The following RFC3 variants were observed in gnomAD, a reference collection of about 807,000 sequenced individuals.
RFC3 encodes the protein A1 38 kDa subunit.
In RFC3, 41 loss-of-function variants were observed where a neutral mutation model predicts 45.1. The ratio of observed to expected loss-of-function variants is 0.91; its 90% CI spans 0.71 to 1.18. RFC3 has a LOEUF of 1.18. Ranked by LOEUF, RFC3 falls within the 50% of genes most tolerant of loss-of-function variation. The pLI, the probability that RFC3 is intolerant of heterozygous loss-of-function variation, is 0.00. For missense variants in RFC3, 423 were observed against 428.1 expected (o/e 0.99, Z 0.10); for synonymous variants, 149 against 144.0 (o/e 1.03, Z -0.25).
chr13:33,914,671 A>T (rs889248484), intron 8 of RFC3, among the ~76,000 whole-genome samples: 1 of 152,172 alleles, frequency 6.6e-6, no homozygotes, highest in Non-Finnish European at 1.5e-5. Flanking sequence ...AATAAATTGG[A>T]AACAAATTAT....
chr13:33,890,740 A>G (rs1045853426), intron 8 of RFC3, among the ~76,000 whole-genome samples: 1 of 152,148 alleles, frequency 6.6e-6, no homozygotes, highest in Non-Finnish European at 1.5e-5. Flanking sequence ...AGATGGTTTC[A>G]CCATCTTATT....
In RFC3 at chr13:33,836,830, A is replaced by G; in HGVS notation, c.*535A>G. The G allele has an allele frequency of 1.0e-6, 1 of 985,848 alleles. No individual in the cohort carries two copies. The highest frequency in any genetic ancestry group is 5.2e-4 in the Middle Eastern group (1 of 1,914). 61.1% of individuals were successfully genotyped at this position (985,848 alleles called of 1,614,324 possible). ...TTTCTGTTGAGGCTGCAGATTTCCAACTTTTATTTCAGTGGTTCAGATTAG... is the reference window on the plus strand; with the variant it reads ...TTTCTGTTGAGGCTGCAGATTTCCAGCTTTTATTTCAGTGGTTCAGATTAG... On this transcript the variant is annotated 3_prime_UTR_variant, in exon 9 of 9. Coordinates refer to ENST00000380071, the MANE Select transcript of RFC3 (RefSeq NM_002915.4).
In RFC3 at chr13:33,831,274, T is replaced by C. The variant is rs752782489; in HGVS notation, c.729T>C (p.Asp243=). 1 of 1,605,128 alleles carries C rather than the reference T, an allele frequency of 6.2e-7. No homozygotes were observed. Among genetic ancestry groups the C allele is most frequent in the South Asian group, 1.1e-5 (1 of 90,920 alleles). ...CRVQQYPFTA[D]QEIPETDWEV... ...CATGTAGATATCCTTTTACTGCAGATCAAGAAATCCCTGAGACAGATTGGG... is the reference window on the plus strand; with the variant it reads ...CATGTAGATATCCTTTTACTGCAGACCAAGAAATCCCTGAGACAGATTGGG... The change falls in exon 7 of 9, where the codon GAT becomes GAC. Residue 243 remains aspartate (D), a synonymous_variant. Coordinates refer to ENST00000380071, the MANE Select transcript of RFC3 (RefSeq NM_002915.4).
chr13:33,961,214 T>G (rs1460520819), intron 8 of RFC3, among the ~76,000 whole-genome samples: 1 of 152,148 alleles, frequency 6.6e-6, no homozygotes, highest in East Asian at 1.9e-4. Flanking sequence ...CTTGCTCCCC[T>G]GCTGTCATTT....
intron 8 of RFC3, among the ~76,000 whole-genome samples, chr13:33,943,152 A>G (rs2082935067): frequency 6.6e-6 from 1 of 152,150 alleles, no homozygotes; most frequent in Non-Finnish European, 1.5e-5. Flanking sequence ...TTTTTCATTG[A>G]TGGGCAGGGA....
chr13:33,870,094 G>T (rs918791754), intron 8 of RFC3, among the ~76,000 whole-genome samples: 1 of 152,144 alleles, frequency 6.6e-6, no homozygotes, highest in Non-Finnish European at 1.5e-5. Flanking sequence ...AGGTGTGCTC[G>T]GAATATTTTG....
chr13:33,902,793 A>G (rs1240462409), intron 8 of RFC3, among the ~76,000 whole-genome samples: 3 of 151,976 alleles, frequency 2.0e-5, no homozygotes, highest in Non-Finnish European at 4.4e-5. Flanking sequence ...AAAAGAGGTA[A>G]ATTAGATCCT....
chr13:33,898,467 G>A (rs570137967), intron 8 of RFC3, among the ~76,000 whole-genome samples: 1 of 151,760 alleles, frequency 6.6e-6, no homozygotes, highest in South Asian at 2.1e-4. Flanking sequence ...AAATGCAAAT[G>A]GAAATAAAAC....
chr13:33,888,246 G>T (rs1159507765), intron 8 of RFC3, among the ~76,000 whole-genome samples: 1 of 152,086 alleles, frequency 6.6e-6, no homozygotes, highest in African/African-American at 2.4e-5. Context: ...CAAGTTCAGG[G>T]GGCACCATTA....
intron 8 of RFC3, among the ~76,000 whole-genome samples, chr13:33,939,676 G>A (rs1033720076): frequency 6.6e-6 from 1 of 152,210 alleles, no homozygotes; most frequent in Non-Finnish European, 1.5e-5. Flanking sequence ...AGTACAGGTG[G>A]CTCAGGGCTT....
chr13:33,867,762 A>G (rs1479689120), intron 8 of RFC3, among the ~76,000 whole-genome samples: 3 of 152,222 alleles, frequency 2.0e-5, no homozygotes, highest in African/African-American at 4.8e-5. Flanking sequence ...TGAAGATGAA[A>G]GGAAGATGAA....
At chr13:33,852,525 G>C (rs1166824865) in intron 8 of RFC3, among the ~76,000 whole-genome samples, 13 of 152,072 alleles carry the variant, frequency 8.5e-5, no homozygotes, top group Admixed American at 8.5e-4. Flanking sequence ...GCCATTTATT[G>C]GGGAGTAACC....
intron 8 of RFC3, among the ~76,000 whole-genome samples, chr13:33,899,209 A>AAAAAAAAAAAAAAAAAC (rs2082622540): frequency 8.4e-6 from 1 of 118,410 alleles, no homozygotes; most frequent in East Asian, 2.6e-4. Flanking sequence ...TAAGACAAAA[A>AAAAAAAAAAAAAAAAAC]AAAAAAAAAA....
In RFC3 at chr13:33,831,025, C is replaced by T. The variant is rs55724861; in HGVS notation, c.710+170C>T. ...TTAAGCATTAGATTTTCATTTGGAGCGTAGATCCCTTGCATAAGCAGTTCA... is the reference window on the plus strand; with the variant it reads ...TTAAGCATTAGATTTTCATTTGGAGTGTAGATCCCTTGCATAAGCAGTTCA... On this transcript the variant is annotated intron_variant, in intron 6 of 8. Coordinates refer to ENST00000380071, the MANE Select transcript of RFC3 (RefSeq NM_002915.4). Among the ~76,000 whole-genome samples, 1,404 of 152,248 alleles carry T rather than the reference C, an allele frequency of 9.2e-3. 28 individuals are homozygous for T. The highest frequency in any genetic ancestry group is 0.032 in the African/African-American group (1,328 of 41,530).
At chr13:33,924,243 T>C (rs2082787878) in intron 8 of RFC3, among the ~76,000 whole-genome samples, 1 of 152,060 alleles carries the variant, frequency 6.6e-6, no homozygotes, top group African/African-American at 2.4e-5. Flanking sequence ...TTTTCACTTA[T>C]TTATTTTTAT....
At chr13:33,875,816 G>A (rs540195027) in intron 8 of RFC3, among the ~76,000 whole-genome samples, 8 of 152,130 alleles carry the variant, frequency 5.3e-5, no homozygotes, top group East Asian at 1.9e-4. Context: ...ACTTACAGAC[G>A]GGACGTGGGC....
chr13:33,818,196 C>G lies in RFC3; in HGVS notation c.18C>G (p.Asp6Glu), dbSNP rs369722964. The G allele has an allele frequency of 1.2e-6, 2 of 1,613,608 alleles. No individual in the cohort carries two copies. The highest frequency in any genetic ancestry group is 1.7e-6 in the Non-Finnish European group (2 of 1,179,946). Residue 6 changes from aspartate (D) to glutamate (E), a missense_variant, in exon 1 of 9, where the codon GAC becomes GAG. Asp to Glu is a conservative substitution (Grantham distance 45). Coordinates refer to ENST00000380071, the MANE Select transcript of RFC3 (RefSeq NM_002915.4). The stretch of plus-strand genomic sequence containing the variant: ...GAGCTGCCATGAGCCTCTGGGTGGA[C>G]AAGTATCGGCCCTGCTCCTTGGGAC... MSLWV[D>E]KYRPCSLGRL...
At chr13:33,896,239 A>G (rs988134674) in intron 8 of RFC3, among the ~76,000 whole-genome samples, 2 of 151,738 alleles carry the variant, frequency 1.3e-5, no homozygotes, top group Admixed American at 6.6e-5. Context: ...TATAAAAAGA[A>G]AGTATAAAAT....
Position 33,834,493 on chromosome 13 carries a change from GGTTT to G in RFC3, c.810-653_810-650del, listed in dbSNP as rs2082135400. On this transcript the variant is annotated intron_variant, in intron 7 of 8. Coordinates refer to ENST00000380071, the MANE Select transcript of RFC3 (RefSeq NM_002915.4). ...AAGGGCCTAGAATGAAGGACTCAGA[GGTTT>G]GAATGTTCCTATTCGCTTAGCCTGG... is the stretch of plus-strand genomic sequence containing the variant. Among the ~76,000 whole-genome samples the G allele has an allele frequency of 2.0e-5, 3 of 150,800 alleles. No individual in the cohort carries two copies. In the South Asian group the frequency reaches 6.3e-4, roughly 32 times the overall value.
Sources: gnomAD v4.1 joint callset for allele counts (sites outside exome capture counted in the v4.1 genomes callset) on GRCh38, gnomAD v4.1.1 for gene constraint, MANE v1.5 for transcripts, NCBI Gene and HGNC (gene_info 2026-07-23, HGNC 2026-07-21) for gene names.